The following CAMK2G variants were observed in gnomAD, a reference collection of about 807,000 sequenced individuals.
CAMK2G encodes the protein calcium/calmodulin-dependent protein kinase type II subunit gamma.
In CAMK2G, 23 loss-of-function variants were observed where a neutral mutation model predicts 88.7. That is an observed-to-expected ratio of 0.26 (90% CI 0.19 to 0.37). The LOEUF (loss-of-function observed/expected upper bound fraction) is 0.37. Among genes scored for constraint, CAMK2G ranks in the 10% least tolerant of loss-of-function variants. The pLI is 1.00. For missense variants in CAMK2G, 476 were observed against 780.8 expected (o/e 0.61, Z 4.65); for synonymous variants, 263 against 294.8 (o/e 0.89, Z 1.11).
At position 73,848,969 on chromosome 10, in the gene CAMK2G, G is replaced by C. The variant is rs2094439373; in HGVS notation, c.517+44C>G. On this transcript the variant is annotated intron_variant, in intron 7 of 22. Coordinates refer to ENST00000423381, the MANE Select transcript of CAMK2G (RefSeq NM_001367534.1). The surrounding 1 kb of genome is among the most constrained non-coding windows in gnomAD (Gnocchi z 4.5). ...AGAGGAAGGCAGATCAGGAAGAGGAGGAAGGGCGGGGGCTGCATTCCGGGA... is the reference window on the plus strand; with the variant it reads ...AGAGGAAGGCAGATCAGGAAGAGGACGAAGGGCGGGGGCTGCATTCCGGGA... 1 of 1,208,584 alleles carries C rather than the reference G, an allele frequency of 8.3e-7. No individual in the cohort carries two copies. The highest frequency in any genetic ancestry group is 1.2e-6 in the Non-Finnish European group (1 of 809,658). The allele number at this position is 1,208,584 out of a possible 1,614,324, so 74.9% of individuals were successfully genotyped here.
At chr10:73,843,809 C>T (rs2094004826) in intron 10 of CAMK2G, among the ~76,000 whole-genome samples, 1 of 152,174 alleles carries the variant, frequency 6.6e-6, no homozygotes, top group African/African-American at 2.4e-5. Context: ...TTACCTCCTC[C>T]TCGGTGTAAA....
intron 14 of CAMK2G, among the ~76,000 whole-genome samples, chr10:73,834,070 C>T (rs1319882252): frequency 6.6e-6 from 1 of 151,930 alleles, no homozygotes; most frequent in Admixed American, 6.6e-5. Flanking sequence ...AGGCGCCTGC[C>T]ACCACGCCCG....
rs556492023 is a variant in CAMK2G at position 73,840,187 on chromosome 10, G to A, written c.947-586C>T. 3.0e-5 allele frequency among the ~76,000 whole-genome samples: 4 copies of A among 131,226 alleles called. No individual in the cohort carries two copies. In the East Asian group the frequency reaches 9.9e-4, roughly 33 times the overall value. The allele number at this position is 131,226 out of a possible 152,430, so 86.1% of individuals were successfully genotyped here. A position where few individuals can be genotyped will look rare whatever the true frequency, so the allele number is the denominator to read the frequency against. On this transcript the variant is annotated intron_variant, in intron 12 of 22. Transcript: ENST00000423381. ...GACACAGGTCCCTGTCTTAAGGGAG[G>A]TAGCCGAGAGAGGCAGCATTCTCAG...
At position 73,824,061 on chromosome 10, in the gene CAMK2G, G is replaced by A. The variant is rs2090085362; in HGVS notation, c.1179C>T (p.His393=). Residue 393 remains histidine, a synonymous_variant, in exon 17 of 23, where the codon CAC becomes CAT. Coordinates refer to ENST00000423381, the MANE Select transcript of CAMK2G (RefSeq NM_001367534.1). ...TAMEPQTTVV[H]NATDGIKGST... Reference sequence around the variant, plus strand: ...TCACCTTGATCCCATCTGTAGCGTTGTGTACCACAGTGGTTTGTGGCTCCT... The same window carrying A: ...TCACCTTGATCCCATCTGTAGCGTTATGTACCACAGTGGTTTGTGGCTCCT... The A allele has an allele frequency of 9.3e-6, 15 of 1,613,280 alleles. No homozygotes were observed. The highest frequency in any genetic ancestry group is 1.3e-5 in the African/African-American group (1 of 74,892).
At chr10:73,869,051 G>A (rs1459534599) in intron 2 of CAMK2G, among the ~76,000 whole-genome samples, 2 of 152,184 alleles carry the variant, frequency 1.3e-5, no homozygotes, top group African/African-American at 4.8e-5. Flanking sequence ...ATGGGCCAAG[G>A]TGTGTCTGTT....
chr10:73,821,036 C>T (rs2088452143), intron 18 of CAMK2G, among the ~76,000 whole-genome samples: 1 of 152,000 alleles, frequency 6.6e-6, no homozygotes, highest in African/African-American at 2.4e-5. Flanking sequence ...TTTTGAACTC[C>T]TGACCTCAAG....
chr10:73,815,895 A>G, intron 21 of CAMK2G: 6 of 985,296 alleles, frequency 6.1e-6, no homozygotes, highest in Non-Finnish European at 7.2e-6. Context: ...GCTTTTATTG[A>G]GATTCACATT....
At chr10:73,874,245 G>C in intron 1 of CAMK2G, 152 bp downstream of exon 1, 1 of 355,650 alleles carries the variant, frequency 2.8e-6, no homozygotes, top group East Asian at 5.1e-5. Context: ...TGCGCGGGGG[G>C]CGCGGGGACC....
intron 18 of CAMK2G, among the ~76,000 whole-genome samples, chr10:73,820,492 A>ATTTTTTTTT (rs1166533591): frequency 1.6e-4 from 8 of 51,050 alleles, no homozygotes; most frequent in African/African-American, 5.3e-4. Context: ...ATATATATAT[A>ATTTTTTTTT]TTTTTTTTTT....
intron 20 of CAMK2G, 62 bp downstream of exon 20, chr10:73,817,417 T>C: frequency 2.5e-6 from 3 of 1,184,514 alleles, no homozygotes; most frequent in Non-Finnish European, 3.8e-6. Flanking sequence ...AATTGTTGTC[T>C]GGAAGCAGGG....
At chr10:73,864,192 A>T (rs540029421) in intron 2 of CAMK2G, among the ~76,000 whole-genome samples, 2 of 152,296 alleles carry the variant, frequency 1.3e-5, no homozygotes, top group South Asian at 4.1e-4. Context: ...TCTACTAAAA[A>T]TACAAAATTT....
At chr10:73,817,613 GC>G in intron 19 of CAMK2G, 59 bp from the exon 20 acceptor site, 1 of 1,124,508 alleles carries the variant, frequency 8.9e-7, no homozygotes, top group Non-Finnish European at 1.4e-6. Flanking sequence ...GTTACAGAGA[GC>G]CCTCCCCAGT....
intron 14 of CAMK2G, among the ~76,000 whole-genome samples, chr10:73,831,907 CAT>C (rs1384275646): frequency 6.6e-6 from 1 of 151,876 alleles, no homozygotes; most frequent in East Asian, 1.9e-4. Context: ...AATACAAGCA[CAT>C]GTCTTACCTC....
intron 14 of CAMK2G, among the ~76,000 whole-genome samples, chr10:73,829,700 G>GGTGTGTGTGTGTGTGTGTGT (rs60725888): frequency 1.2e-3 from 163 of 138,422 alleles, no homozygotes; most frequent in African/African-American, 4.3e-3. Flanking sequence ...TAAGTAGTGG[G>GGTGTGTGTGTGTGTGTGTGT]GTGTGTGTGT....
chr10:73,841,396 CCTCT>C (rs1254850035), intron 12 of CAMK2G, among the ~76,000 whole-genome samples: 5 of 152,002 alleles, frequency 3.3e-5, no homozygotes, highest in South Asian at 4.1e-4. Context: ...TGGGCAGAGC[CCTCT>C]CTGTCTTCAG....
chr10:73,821,642 C>T (rs758656005), intron 18 of CAMK2G, 40 bp downstream of exon 18: 1 of 1,533,526 alleles, frequency 6.5e-7, no homozygotes, highest in Non-Finnish European at 9.0e-7. Context: ...GTACCTGGGT[C>T]ACTGCTGGAG....
At position 73,815,057 on chromosome 10, in the gene CAMK2G, G is replaced by T. The variant is rs1490864596; in HGVS notation, c.1725C>A (p.Val575=). 6.2e-7 allele frequency: 1 copy of T among 1,614,118 alleles called. No homozygotes were observed. Among genetic ancestry groups the T allele is most frequent in the South Asian group, 1.1e-5 (1 of 91,076 alleles). Residue 575 remains valine (V), a synonymous_variant, in exon 22 of 23, where the codon GTC becomes GTA. Transcript: ENST00000423381. ...WHRRDGKWLN[V]HYHCSGAPAA... ...CAGGGGCCCCTGAGCAGTGATAGTG[G>T]ACATTGAGCCACTTGCCATCCCGAC...
chr10:73,862,034 C>A (rs1011322652), intron 2 of CAMK2G, among the ~76,000 whole-genome samples: 1 of 152,138 alleles, frequency 6.6e-6, no homozygotes, highest in Admixed American at 6.5e-5. Context: ...CAAATTCAGA[C>A]TCCAGGATTA....
At chr10:73,872,309 G>GGAGGCAGTGCAGTTC (rs386371827) in intron 2 of CAMK2G, among the ~76,000 whole-genome samples, 2 of 152,218 alleles carry the variant, frequency 1.3e-5, no homozygotes, top group African/African-American at 4.8e-5. Flanking sequence ...CCTCAGACTC[G>GGAGGCAGTGCAGTTC]GAGGCAGTGC....
Sources: allele counts gnomAD v4.1 joint callset (sites outside exome capture counted in the v4.1 genomes callset), GRCh38; gene constraint gnomAD v4.1.1; non-coding constraint Gnocchi (gnomAD v3.1); transcripts MANE v1.5; gene names NCBI Gene and HGNC (gene_info 2026-07-23, HGNC 2026-07-21).